The following KSR1 variants were observed in gnomAD, a reference collection of about 807,000 sequenced individuals.
The protein encoded by KSR1 is kinase suppressor of ras 1.
KSR1 carries 35 observed loss-of-function variants against 92.9 expected under a neutral mutation model. The ratio of observed to expected loss-of-function variants is 0.38; its 90% CI spans 0.29 to 0.50. KSR1 has a LOEUF of 0.50. KSR1 is among the 20% of genes least tolerant of loss of function. KSR1 has a pLI of 0.94. For missense variants in KSR1, 972 were observed against 1,158.5 expected, an observed-to-expected ratio of 0.84 and a Z score of 2.34; for synonymous variants, 467 against 472.6, an observed-to-expected ratio of 0.99 and a Z score of 0.15.
intron 17 of KSR1, among the ~76,000 whole-genome samples, chr17:27,610,775 A>G (rs1048435181): frequency 6.6e-6 from 1 of 152,228 alleles, no homozygotes; most frequent in Non-Finnish European, 1.5e-5. Flanking sequence ...CATGTAATCA[A>G]TATACAAATT....
chr17:27,595,650 T>C (rs116441479), intron 9 of KSR1, among the ~76,000 whole-genome samples: 191 of 121,314 alleles, frequency 1.6e-3, no homozygotes, highest in African/African-American at 5.1e-3. Context: ...CCTTTTCTCA[T>C]TTCTAGTGCA....
At chr17:27,561,340 CCT>C (rs1430361401) in intron 2 of KSR1, among the ~76,000 whole-genome samples, 1 of 152,188 alleles carries the variant, frequency 6.6e-6, no homozygotes, top group East Asian at 1.9e-4. Context: ...TCTCTTCCCC[CCT>C]CATTTCTTCT....
intron 1 of KSR1, among the ~76,000 whole-genome samples, chr17:27,513,944 A>G (rs950230194): frequency 6.6e-6 from 1 of 152,142 alleles, no homozygotes; most frequent in Non-Finnish European, 1.5e-5. Flanking sequence ...CTTCCAGCAT[A>G]TTGAGTGGAG....
chr17:27,544,863 G>C (rs1338199067), intron 1 of KSR1, among the ~76,000 whole-genome samples: 2 of 152,252 alleles, frequency 1.3e-5, no homozygotes, highest in African/African-American at 4.8e-5. Flanking sequence ...TTCTGTGACT[G>C]CAACCAACTT....
chr17:27,525,168 G>A lies in KSR1; in HGVS notation c.232-25400G>A, dbSNP rs190732090. On this transcript the variant is annotated intron_variant, in intron 1 of 20. Coordinates refer to ENST00000644974, the MANE Select transcript of KSR1 (RefSeq NM_001394583.1). The stretch of plus-strand genomic sequence containing the variant: ...ACTTGGTAGCAGACCTGGGAGCCAG[G>A]TGGCCTGGGTTCAGATTCCAGCTCC... Among the ~76,000 whole-genome samples, 33 of 152,338 alleles carry A rather than the reference G, an allele frequency of 2.2e-4. No homozygotes were observed. The East Asian group carries it at 6.4e-3, about 29-fold the overall frequency.
At chr17:27,580,701 G>A (rs958583263) in intron 3 of KSR1, among the ~76,000 whole-genome samples, 1 of 152,184 alleles carries the variant, frequency 6.6e-6, no homozygotes, top group South Asian at 2.1e-4. Context: ...CAGATATTGC[G>A]GGAGGGAGGA....
chr17:27,604,701 A>C lies in KSR1; in HGVS notation c.1587A>C (p.Ala529=). The part of the protein sequence containing the change: ...DGTRLDDQPK[A]DVLEAHEAEA... Reference sequence around the variant, plus strand: ...TTAGGCTCGATGACCAGCCGAAAGCAGATGTGTTGGAAGCTCACGAAGCGG... The same window carrying C: ...TTAGGCTCGATGACCAGCCGAAAGCCGATGTGTTGGAAGCTCACGAAGCGG... Residue 529 remains alanine (A), a synonymous_variant, in exon 13 of 21, where the codon GCA becomes GCC. Coordinates refer to ENST00000644974, the MANE Select transcript of KSR1 (RefSeq NM_001394583.1). 6.2e-7 allele frequency: 1 copy of C among 1,614,072 alleles called. No individual in the cohort carries two copies. Among genetic ancestry groups the C allele is most frequent in the Non-Finnish European group, 8.5e-7 (1 of 1,179,900 alleles).
At chr17:27,538,451 G>A (rs1026892884) in intron 1 of KSR1, among the ~76,000 whole-genome samples, 30 of 152,344 alleles carry the variant, frequency 2.0e-4, no homozygotes, top group African/African-American at 6.7e-4. Flanking sequence ...AGGTCCCCTA[G>A]CAAGCAAGTC....
At position 27,550,695 on chromosome 17, in the gene KSR1, C is replaced by G. The variant is rs768074390; in HGVS notation, c.359C>G (p.Pro120Arg). The G allele has an allele frequency of 2.3e-4, 177 of 763,054 alleles. No homozygotes were observed. The highest frequency in any genetic ancestry group is 3.7e-4 in the Non-Finnish European group (155 of 417,556). 47.3% of individuals were successfully genotyped at this position (763,054 alleles called of 1,614,324 possible). A position where few individuals can be genotyped will look rare whatever the true frequency, so the allele number is the denominator to read the frequency against. The change falls in exon 2 of 21, where the codon CCG becomes CGG. Residue 120 changes from proline to arginine, a missense_variant. Transcript: ENST00000644974. Reference protein sequence around the residue: ...SDWLYTFNVRPEVVQEIPRDL... With the variant: ...SDWLYTFNVRREVVQEIPRDL... ...TGGCTGTACACTTTCAACGTGAGGC[C>G]GGAGGTGGTGCAGGTATGCAAGCTG... is the stretch of plus-strand genomic sequence containing the variant.
At chr17:27,513,826 G>T (rs975882229) in intron 1 of KSR1, among the ~76,000 whole-genome samples, 2 of 152,226 alleles carry the variant, frequency 1.3e-5, no homozygotes, top group East Asian at 1.9e-4. Flanking sequence ...GGCTGTGTTG[G>T]GGCACAGCCT....
chr17:27,595,190 C>T (rs1433748041), intron 9 of KSR1, among the ~76,000 whole-genome samples: 1 of 152,236 alleles, frequency 6.6e-6, no homozygotes, highest in Non-Finnish European at 1.5e-5. Context: ...TCCTCTCCCA[C>T]CCCCAGGGGA....
chr17:27,608,059 G>T, intron 15 of KSR1, 49 bp downstream of exon 15: 7 of 1,361,690 alleles, frequency 5.1e-6, no homozygotes, highest in Non-Finnish European at 6.2e-6. Context: ...CGGTTCCAGG[G>T]CTCTCGGCTG....
At chr17:27,618,425 C>T (rs769070922) in intron 19 of KSR1, among the ~76,000 whole-genome samples, 5 of 152,320 alleles carry the variant, frequency 3.3e-5, no homozygotes, top group African/African-American at 9.6e-5. Flanking sequence ...TCAGTTTCCA[C>T]GGCATTAAAA....
chr17:27,609,729 C>A, intron 16 of KSR1: 1 of 338,164 alleles, frequency 3.0e-6, no homozygotes, highest in Non-Finnish European at 5.4e-6. Context: ...AAGGCCAGCC[C>A]CAGCCAAGTT....
chr17:27,516,519 C>A (rs1179343121), intron 1 of KSR1, among the ~76,000 whole-genome samples: 1 of 151,842 alleles, frequency 6.6e-6, no homozygotes, highest in Non-Finnish European at 1.5e-5. Flanking sequence ...TCTCCCTCCC[C>A]CTCCTCCTCC....
At chr17:27,541,225 T>C (rs936750952) in intron 1 of KSR1, among the ~76,000 whole-genome samples, 14 of 152,308 alleles carry the variant, frequency 9.2e-5, no homozygotes, top group African/African-American at 3.4e-4. Context: ...TGGAAGCTGG[T>C]CCACAACTGC....
At chr17:27,563,121 T>C (rs902605019) in intron 2 of KSR1, among the ~76,000 whole-genome samples, 1 of 152,224 alleles carries the variant, frequency 6.6e-6, no homozygotes, top group African/African-American at 2.4e-5. Flanking sequence ...TCCTGACTAG[T>C]CCTCGGACTG....
intron 16 of KSR1, among the ~76,000 whole-genome samples, 199 bp downstream of exon 16, chr17:27,609,528 G>A (rs1214500059): frequency 2.0e-5 from 3 of 152,206 alleles, no homozygotes; most frequent in East Asian, 1.9e-4. Flanking sequence ...CGACTTCCAC[G>A]GAAACCAGGT....
At chr17:27,526,481 T>C (rs560097154) in intron 1 of KSR1, 1 of 1,597,260 alleles carries the variant, frequency 6.3e-7, no homozygotes, top group Non-Finnish European at 8.6e-7. Context: ...TTCTCTTTAT[T>C]GAGAACTTCA....
Sources: gnomAD v4.1 joint callset for allele counts (sites outside exome capture counted in the v4.1 genomes callset) on GRCh38, gnomAD v4.1.1 for gene constraint, MANE v1.5 for transcripts, NCBI Gene and HGNC (gene_info 2026-07-23, HGNC 2026-07-21) for gene names.